The following CRPPA variants were observed in gnomAD, a reference collection of about 807,000 sequenced individuals.
CRPPA encodes CDP-L-ribitol pyrophosphorylase A.
A neutral mutation model predicts 52.0 loss-of-function variants in CRPPA; 43 were observed. That is an observed-to-expected ratio of 0.83 (90% confidence interval 0.65 to 1.07). The LOEUF is 1.07. Ranked by LOEUF, CRPPA falls within the 50% of genes least tolerant of loss-of-function variation. CRPPA has a pLI of 0.00. For missense variants in CRPPA, 629 were observed against 551.7 expected (o/e 1.14, Z -1.40); for synonymous variants, 250 against 203.5 (o/e 1.23, Z -1.94).
intron 8 of CRPPA, among the ~76,000 whole-genome samples, chr7:16,248,684 G>A (rs1783348596): frequency 6.6e-6 from 1 of 152,186 alleles, no homozygotes; most frequent in South Asian, 2.1e-4. Flanking sequence ...TCCAACTGAG[G>A]TACCTAGTTC....
chr7:16,342,752 C>CT (rs1785883172), intron 3 of CRPPA, among the ~76,000 whole-genome samples: 2 of 8,298 alleles, frequency 2.4e-4, no homozygotes, highest in South Asian at 4.5e-3. Flanking sequence ...ACAGGATGAA[C>CT]CCTGTCTCCA....
chr7:16,304,288 C>T (rs990274879), intron 4 of CRPPA, among the ~76,000 whole-genome samples: 20 of 151,696 alleles, frequency 1.3e-4, no homozygotes, highest in African/African-American at 4.8e-4. Context: ...AGTGGGGTAC[C>T]GTGGCCATTT....
intron 9 of CRPPA, among the ~76,000 whole-genome samples, chr7:16,192,662 G>C (rs1045851310): frequency 3.3e-5 from 5 of 152,048 alleles, no homozygotes; most frequent in Admixed American, 6.6e-5. Flanking sequence ...ACATGTTTGA[G>C]ATTCAACTTT....
intron 4 of CRPPA, 144 bp from the exon 5 acceptor site, chr7:16,301,610 C>A: frequency 1.9e-6 from 1 of 540,390 alleles, no homozygotes; most frequent in Non-Finnish European, 3.4e-6. Context: ...AAAGCATCAG[C>A]AAATTCACAT....
At chr7:16,323,763 A>G (rs1322946491) in intron 3 of CRPPA, among the ~76,000 whole-genome samples, 2 of 152,234 alleles carry the variant, frequency 1.3e-5, no homozygotes, top group Non-Finnish European at 2.9e-5. Flanking sequence ...TAGTAAATTA[A>G]TGCAATCAAC....
At chr7:16,300,457 A>T (rs1784768944) in intron 5 of CRPPA, among the ~76,000 whole-genome samples, 1 of 152,222 alleles carries the variant, frequency 6.6e-6, no homozygotes, top group Admixed American at 6.5e-5. Flanking sequence ...AAAGCATCAC[A>T]TGTGTTTCAG....
At chr7:16,125,281 A>T (rs944749365) in intron 9 of CRPPA, among the ~76,000 whole-genome samples, 1 of 136,862 alleles carries the variant, frequency 7.3e-6, no homozygotes, top group Non-Finnish European at 1.6e-5. Flanking sequence ...AAAAAAAAAA[A>T]CCAACAACAA....
chr7:16,197,282 C>CA (rs1781760764), intron 9 of CRPPA, among the ~76,000 whole-genome samples: 1 of 152,240 alleles, frequency 6.6e-6, no homozygotes, highest in East Asian at 1.9e-4. Context: ...TACACTTTCT[C>CA]AAAAAATAAG....
At chr7:16,313,014 G>T (rs974103954) in intron 3 of CRPPA, among the ~76,000 whole-genome samples, 1 of 151,866 alleles carries the variant, frequency 6.6e-6, no homozygotes, top group Non-Finnish European at 1.5e-5. Flanking sequence ...AATGATGAGA[G>T]AGATTGATCA....
At position 16,286,097 on chromosome 7, in the gene CRPPA, A is replaced by AAATATAT; in HGVS notation, c.836-7872_836-7871insATATATT. On this transcript the variant is annotated intron_variant, in intron 5 of 9. Transcript: ENST00000407010. ...TATATATATAATATTTAAAAAAAAAAATATATATATATATATATATGCCAA... is the reference window on the plus strand; with the variant it reads ...TATATATATAATATTTAAAAAAAAAAAATATATATATATATATATATATATATGCCAA... 1.1e-3 allele frequency among the ~76,000 whole-genome samples: 43 copies of AAATATAT among 39,110 alleles called. 6 individuals are homozygous for AAATATAT. The highest frequency in any genetic ancestry group is 2.4e-3 in the African/African-American group (13 of 5,450). The allele number at this position is 39,110 out of a possible 152,430, so 25.7% of individuals were successfully genotyped here.
At chr7:16,338,035 C>A (rs1032906922) in intron 3 of CRPPA, among the ~76,000 whole-genome samples, 1 of 152,094 alleles carries the variant, frequency 6.6e-6, no homozygotes, top group African/African-American at 2.4e-5. Context: ...CAGACAAGGA[C>A]ACTACAAGAA....
At chr7:16,286,074 T>TTTAAA (rs1784436023) in intron 5 of CRPPA, among the ~76,000 whole-genome samples, 3 of 18,696 alleles carry the variant, frequency 1.6e-4, no homozygotes, top group African/African-American at 7.9e-4. Flanking sequence ...TATATATATA[T>TTTAAA]ATATATAATA....
chr7:16,173,208 T>C (rs1781227511), intron 9 of CRPPA, among the ~76,000 whole-genome samples: 1 of 152,182 alleles, frequency 6.6e-6, no homozygotes, highest in South Asian at 2.1e-4. Flanking sequence ...TTCATCCAGG[T>C]GGTTCTAGTG....
At chr7:16,147,540 A>G (rs1033935351) in intron 9 of CRPPA, among the ~76,000 whole-genome samples, 8 of 152,208 alleles carry the variant, frequency 5.3e-5, no homozygotes, top group African/African-American at 9.6e-5. Context: ...TCTTTGTTCA[A>G]TAAGTAAAAT....
intron 3 of CRPPA, among the ~76,000 whole-genome samples, chr7:16,310,138 A>T (rs796519501): frequency 7.2e-5 from 11 of 152,256 alleles, no homozygotes; most frequent in African/African-American, 2.6e-4. Context: ...ATGTTTTGAC[A>T]CTTGTGATTC....
chr7:16,388,423 C>T (rs929399964), intron 2 of CRPPA, among the ~76,000 whole-genome samples: 1 of 152,056 alleles, frequency 6.6e-6, no homozygotes, highest in African/African-American at 2.4e-5. Context: ...AAATGTATAA[C>T]TGTAAATGCC....
intron 5 of CRPPA, among the ~76,000 whole-genome samples, chr7:16,284,886 A>G (rs1784392435): frequency 6.6e-6 from 1 of 152,176 alleles, no homozygotes; most frequent in South Asian, 2.1e-4. Context: ...GAAGTTCAGA[A>G]TAGAAAAAAT....
At chr7:16,303,786 G>A (rs1784845979) in intron 4 of CRPPA, among the ~76,000 whole-genome samples, 1 of 152,090 alleles carries the variant, frequency 6.6e-6, no homozygotes, top group African/African-American at 2.4e-5. Flanking sequence ...AAACCAAATA[G>A]AGACTACTTT....
At chr7:16,202,147 G>A (rs1562554025) in intron 9 of CRPPA, among the ~76,000 whole-genome samples, 1 of 152,076 alleles carries the variant, frequency 6.6e-6, no homozygotes, top group Non-Finnish European at 1.5e-5. Context: ...TATTACAGTT[G>A]AATTTTTAAT....
Sources: gnomAD v4.1 joint callset for allele counts (sites outside exome capture counted in the v4.1 genomes callset) on GRCh38, gnomAD v4.1.1 for gene constraint, MANE v1.5 for transcripts, NCBI Gene and HGNC (gene_info 2026-07-23, HGNC 2026-07-21) for gene names.